The following DCHS1 variants were observed in gnomAD, a reference collection of about 807,000 sequenced individuals.
The protein encoded by DCHS1 is dachsous cadherin-related 1, also known as protocadherin-16.
Under a neutral mutation model 213.9 loss-of-function variants are expected in DCHS1, and 78 were observed. That is an observed-to-expected ratio of 0.36 (90% CI 0.30 to 0.44). DCHS1 has a LOEUF of 0.44. DCHS1 is among the 20% of genes least tolerant of loss of function. The pLI is 1.00. For missense variants in DCHS1, 3,946 were observed against 4,395.9 expected, an observed-to-expected ratio of 0.90 and a Z score of 2.89; for synonymous variants, 1,828 against 1,873.7, an observed-to-expected ratio of 0.98 and a Z score of 0.63.
chr11:6,653,258 C>A (rs1176833519), intron 1 of DCHS1, among the ~76,000 whole-genome samples: 1 of 152,168 alleles, frequency 6.6e-6, no homozygotes, highest in Non-Finnish European at 1.5e-5. Flanking sequence ...ACATGCTGCT[C>A]CCTTGGCTTG....
chr11:6,626,794 G>A lies in DCHS1; in HGVS notation c.6245C>T (p.Pro2082Leu). Reference protein sequence around the residue: ...SSEATIRENAPPGTPIVSPRA... With the variant: ...SSEATIRENALPGTPIVSPRA... ...AGAAATGGCTGGGGACCCACCTGGG[G>A]GCGCATTCTCACGAATCGTAGCCTC... The change falls in exon 14 of 21, where the codon CCC becomes CTC. Residue 2082 changes from proline to leucine, a missense_variant. By Grantham distance (98) the Pro-to-Leu change is moderately conservative (BLOSUM62 -3). Around this residue, in one of 3 missense-constraint regions of DCHS1, gnomAD observed 3,384 missense variants for 3,780.1 expected, o/e 0.90. Coordinates refer to ENST00000299441, the MANE Select transcript of DCHS1 (RefSeq NM_003737.4). This position sits in a 1 kb window ranked among gnomAD's most constrained non-coding sequence, Gnocchi z 5.2. The A allele has an allele frequency of 6.2e-7, 1 of 1,611,718 alleles. No homozygotes were observed. The highest frequency in any genetic ancestry group is 1.1e-5 in the South Asian group (1 of 91,082).
intron 5 of DCHS1, 151 bp downstream of exon 5, chr11:6,633,261 T>A (rs1317473877): frequency 9.8e-7 from 1 of 1,020,466 alleles, no homozygotes. Flanking sequence ...GTGCCTGCAC[T>A]GTGCCTAAGG....
rs201684495 is a variant in DCHS1 at position 6,641,556 on chromosome 11, G to A, written c.58C>T (p.His20Tyr). 2.7e-4 allele frequency: 425 copies of A among 1,551,184 alleles called. 1 individual carries two copies. The African/African-American group carries it at 5.1e-3, about 19-fold the overall frequency. Residue 20 changes from histidine to tyrosine, a missense_variant, in exon 2 of 21, where the codon CAC becomes TAC. His to Tyr is a moderately conservative substitution (Grantham distance 83). Around this residue, in one of 3 missense-constraint regions of DCHS1, gnomAD observed 3,384 missense variants for 3,780.1 expected, o/e 0.90. Transcript: ENST00000299441. This position sits in a 1 kb window ranked among gnomAD's most constrained non-coding sequence, Gnocchi z 7.1. ...AGCAGCAGCAATGGTAGCAGGAGGT[G>A]GGGCCTGGGGCTCTTCATGCCAGGG... Reference protein sequence around the residue: ...SCPGMKSPRPHLLLPLLLLLL... With the variant: ...SCPGMKSPRPYLLLPLLLLLL...
Position 6,625,736 on chromosome 11 carries a change from A to C in DCHS1, c.6732-9T>G. On this transcript the variant is annotated splice_polypyrimidine_tract_variant and intron_variant, in intron 17 of 20. Coordinates refer to ENST00000299441, the MANE Select transcript of DCHS1 (RefSeq NM_003737.4). The surrounding 1 kb of genome is among the most constrained non-coding windows in gnomAD (Gnocchi z 5.3). Reference sequence around the variant, plus strand: ...TGGCCATCAGCACCAACCTGGACACAAAGCACAATCATCGGGTGGGACATG... The same window carrying C: ...TGGCCATCAGCACCAACCTGGACACCAAGCACAATCATCGGGTGGGACATG... The C allele has an allele frequency of 6.2e-7, 1 of 1,600,890 alleles. No individual in the cohort carries two copies. Among genetic ancestry groups the C allele is most frequent in the Non-Finnish European group, 8.5e-7 (1 of 1,173,418 alleles).
rs1470420731 is a variant in DCHS1, at chr11:6,626,087, G to A, written c.6577-13C>T. On this transcript the variant is annotated splice_polypyrimidine_tract_variant and intron_variant, in intron 16 of 20. Transcript: ENST00000299441. The surrounding 1 kb of genome is among the most constrained non-coding windows in gnomAD (Gnocchi z 5.2). ...CATCCGCCTCCACCTGGTGAGGGTAGGAGGCTGCTGGGACTGGTCTGGCCA... is the reference window on the plus strand; with the variant it reads ...CATCCGCCTCCACCTGGTGAGGGTAAGAGGCTGCTGGGACTGGTCTGGCCA... The A allele has an allele frequency of 6.2e-7, 1 of 1,605,064 alleles. No homozygotes were observed. The highest frequency in any genetic ancestry group is 8.5e-7 in the Non-Finnish European group (1 of 1,175,848).
chr11:6,627,464 C>T lies in DCHS1; in HGVS notation c.5575G>A (p.Ala1859Thr), dbSNP rs1386897364. The T allele has an allele frequency of 6.2e-7, 1 of 1,611,294 alleles. No homozygotes were observed. Among genetic ancestry groups the T allele is most frequent in the East Asian group, 2.2e-5 (1 of 44,768 alleles). The part of the protein sequence containing the change: ...NDHAPAFPVP[A>T]YSVEVPEDVP... ...TCCTCCGGCACCTCCACCGAGTAGG[C>T]AGGCACAGGAAAGGCTGGAGCATGG... Residue 1859 changes from alanine to threonine, a missense_variant, in exon 14 of 21, where the codon GCC becomes ACC. Ala to Thr is a moderately conservative substitution (Grantham distance 58). This residue lies in a region of DCHS1 where 3,384 missense variants were observed against 3,780.1 expected (regional missense o/e 0.90). Transcript: ENST00000299441. This position sits in a 1 kb window ranked among gnomAD's most constrained non-coding sequence, Gnocchi z 5.4.
At position 6,631,151 on chromosome 11, in the gene DCHS1, G is replaced by T. The variant is rs751702644; in HGVS notation, c.3832C>A (p.Pro1278Thr). The T allele has an allele frequency of 1.2e-6, 2 of 1,612,228 alleles. No homozygotes were observed. Among genetic ancestry groups the T allele is most frequent in the Non-Finnish European group, 1.7e-6 (2 of 1,178,840 alleles). The change falls in exon 9 of 21, where the codon CCC (proline) becomes ACC (threonine). Residue 1278 changes from proline (P) to threonine (T), a missense_variant. Transcript: ENST00000299441. The stretch of plus-strand genomic sequence containing the variant: ...TGGGGCCGCTCTGCTCGGATCAGGG[G>T]AGCTGCAGTGAGCAGCTCCCCTGAG... ...PHSGELLTAAPLIRAERPHYV... is the reference protein window; with the variant it reads ...PHSGELLTAATLIRAERPHYV...
At position 6,628,502 on chromosome 11, in the gene DCHS1, G is replaced by GGAC; in HGVS notation, c.5371+116_5371+118dup. 1 of 1,095,132 alleles carries GGAC rather than the reference G, an allele frequency of 9.1e-7. No homozygotes were observed. Among genetic ancestry groups the GGAC allele is most frequent in the East Asian group, 2.5e-5 (1 of 40,068 alleles). The allele number at this position is 1,095,132 out of a possible 1,614,324, so 67.8% of individuals were successfully genotyped here. A position where few individuals can be genotyped will look rare whatever the true frequency, so the allele number is the denominator to read the frequency against. ...TGGGTATAAGCATGAAAGAAAAGGT[G>GGAC]GACGACATCAAGAGGGAAAAGGAGA... is the stretch of plus-strand genomic sequence containing the variant. On this transcript the variant is annotated intron_variant, in intron 13 of 20. Transcript: ENST00000299441. This position sits in a 1 kb window ranked among gnomAD's most constrained non-coding sequence, Gnocchi z 4.3.
Position 6,631,393 on chromosome 11 carries a change from C to T in DCHS1, c.3690G>A (p.Val1230=). Residue 1230 remains valine, a synonymous_variant, in exon 8 of 21, where the codon GTG becomes GTA. Transcript: ENST00000299441. ...GAGTCGTCACCAGTGTTCCCGGAGG[C>T]ACGCGGTCTGGTACCTGTGGGAACA... ...GGLPIQVPDR[V]PPGTLVTTLQ... 3 of 1,613,990 alleles carry T rather than the reference C, an allele frequency of 1.9e-6. No individual in the cohort carries two copies. The highest frequency in any genetic ancestry group is 2.5e-6 in the Non-Finnish European group (3 of 1,179,880).
chr11:6,633,916 C>T lies in DCHS1; in HGVS notation c.2091G>A (p.Gln697=). ...TCAGCACAGCTGTGCCTGGTGGACT[C>T]TGGGCACTTATACTGGCAGCATACT... ...PREYAASISA[Q]SPPGTAVLRL... The change falls in exon 4 of 21, where the codon CAG becomes CAA. Residue 697 remains glutamine (Q), a synonymous_variant. Transcript: ENST00000299441. 6.2e-7 allele frequency: 1 copy of T among 1,614,014 alleles called. No homozygotes were observed. Among genetic ancestry groups the T allele is most frequent in the South Asian group, 1.1e-5 (1 of 91,080 alleles).
Position 6,629,522 on chromosome 11 carries a change from A to T in DCHS1, c.5091T>A (p.Asp1697Glu). Residue 1697 changes from aspartate to glutamate, a missense_variant, in exon 12 of 21, where the codon GAT becomes GAA. Around this residue, in one of 3 missense-constraint regions of DCHS1, gnomAD observed 3,384 missense variants for 3,780.1 expected, o/e 0.90. Transcript: ENST00000299441. ...GAGTCGTGAGAACACCAGTGTCAGGATCCAGAGAAAAGCTTTCGCTAGAGA... is the reference window on the plus strand; with the variant it reads ...GAGTCGTGAGAACACCAGTGTCAGGTTCCAGAGAAAAGCTTTCGCTAGAGA... ...GGVSSESFSL[D>E]PDTGVLTTLR... is the part of the protein sequence containing the mutation. The T allele has an allele frequency of 6.2e-7, 1 of 1,613,450 alleles. No homozygotes were observed. Among genetic ancestry groups the T allele is most frequent in the South Asian group, 1.1e-5 (1 of 90,920 alleles).
rs761959340 is a variant in DCHS1 at position 6,639,849 on chromosome 11, C to T, written c.1765G>A (p.Glu589Lys). ...QRTFYNASLP[E>K]GTQPGTCFLQ... is the part of the protein sequence containing the mutation. ...AAGCAAGTTCCAGGCTGGGTGCCCT[C>T]AGGCAGTGAGGCATTGTAGAAAGTC... The change falls in exon 2 of 21, where the codon GAG (glutamate) becomes AAG (lysine). Residue 589 changes from glutamate to lysine, a missense_variant. Glu to Lys is a moderately conservative substitution (Grantham distance 56). Around this residue, in one of 3 missense-constraint regions of DCHS1, gnomAD observed 3,384 missense variants for 3,780.1 expected, o/e 0.90. Coordinates refer to ENST00000299441, the MANE Select transcript of DCHS1 (RefSeq NM_003737.4). 179 of 1,607,682 alleles carry T rather than the reference C, an allele frequency of 1.1e-4. No homozygotes were observed. Among genetic ancestry groups the T allele is most frequent in the Non-Finnish European group, 1.5e-4 (173 of 1,175,644 alleles).
At chr11:6,636,716 C>T (rs1461152987) in intron 2 of DCHS1, among the ~76,000 whole-genome samples, 1 of 152,186 alleles carries the variant, frequency 6.6e-6, no homozygotes, top group African/African-American at 2.4e-5. Context: ...TGCCAGTCTT[C>T]CTCCATCTCC....
chr11:6,642,231 C>T (rs1389346777), intron 1 of DCHS1, among the ~76,000 whole-genome samples: 1 of 152,160 alleles, frequency 6.6e-6, no homozygotes, highest in Non-Finnish European at 1.5e-5. Flanking sequence ...TTCCTTAGCT[C>T]TACTTCCCTA....
chr11:6,651,413 G>A (rs541181824), intron 1 of DCHS1, among the ~76,000 whole-genome samples: 1 of 152,312 alleles, frequency 6.6e-6, no homozygotes, highest in East Asian at 1.9e-4. Flanking sequence ...AATGGGGCAG[G>A]TGATGAGACT....
chr11:6,655,569 G>A lies in DCHS1; in HGVS notation c.-127C>T, dbSNP rs2134668350. ...GGCGGGCGCGGGCACTGACCTCCGC[G>A]CGACGCGGGCTCCCTCGCCCGGTGC... On this transcript the variant is annotated 5_prime_UTR_variant, in exon 1 of 21. Transcript: ENST00000299441. 1.0e-6 allele frequency: 1 copy of A among 980,684 alleles called. No individual in the cohort carries two copies. The highest frequency in any genetic ancestry group is 1.2e-6 in the Non-Finnish European group (1 of 828,142). The allele number at this position is 980,684 out of a possible 1,614,324, so 60.7% of individuals were successfully genotyped here.
chr11:6,625,852 G>A lies in DCHS1; in HGVS notation c.6731+68C>T, dbSNP rs1855789276. 3.8e-6 allele frequency: 6 copies of A among 1,592,726 alleles called. No homozygotes were observed. The highest frequency in any genetic ancestry group is 5.1e-6 in the Non-Finnish European group (6 of 1,169,394). On this transcript the variant is annotated intron_variant, in intron 17 of 20. Coordinates refer to ENST00000299441, the MANE Select transcript of DCHS1 (RefSeq NM_003737.4). This position sits in a 1 kb window ranked among gnomAD's most constrained non-coding sequence, Gnocchi z 5.3. ...AGGATGTGGCCAAGGGACCAGATGA[G>A]TTCAAGGCAGGGCTTGAAACTGGAC...
In DCHS1 at chr11:6,640,365, G is replaced by T; in HGVS notation, c.1249C>A (p.Gln417Lys). The T allele has an allele frequency of 1.9e-6, 3 of 1,613,244 alleles. No homozygotes were observed. Among genetic ancestry groups the T allele is most frequent in the Non-Finnish European group, 2.5e-6 (3 of 1,179,574 alleles). ...CACACCAGATAGATGACGCTGTCTTGGGTGCTTAGGGCAAAGTGGCCCTCT... is the reference window on the plus strand; with the variant it reads ...CACACCAGATAGATGACGCTGTCTTTGGTGCTTAGGGCAAAGTGGCCCTCT... ...GGEGHFALST[Q>K]DSVIYLVCVA... Residue 417 changes from glutamine to lysine, a missense_variant, in exon 2 of 21, where the codon CAA becomes AAA. By Grantham distance (53) the Gln-to-Lys change is moderately conservative (BLOSUM62 1). Around this residue, in one of 3 missense-constraint regions of DCHS1, gnomAD observed 3,384 missense variants for 3,780.1 expected, o/e 0.90. Transcript: ENST00000299441. This position sits in a 1 kb window ranked among gnomAD's most constrained non-coding sequence, Gnocchi z 6.5.
In DCHS1 at chr11:6,626,858, C is replaced by A; in HGVS notation, c.6181G>T (p.Glu2061Ter). 1 of 1,613,454 alleles carries A rather than the reference C, an allele frequency of 6.2e-7. No homozygotes were observed. ...GGAAAGCGGGGTCCACGCTCAGCTT[C>A]CCCCTGCAGTCCAACAATGATCACA... ...TGVIIVGLQG[E>*]AERGPRFPRA... The change falls in exon 14 of 21, where the codon GAA becomes TAA. Residue 2061 changes from glutamate to a stop codon, truncating the protein, a stop_gained. Transcript: ENST00000299441. LOFTEE classifies it high-confidence loss of function. The surrounding 1 kb of genome is among the most constrained non-coding windows in gnomAD (Gnocchi z 5.2).
Sources: gnomAD v4.1 joint callset for allele counts (sites outside exome capture counted in the v4.1 genomes callset) on GRCh38, gnomAD v4.1.1 for gene constraint, gnomAD v4.1.1 regional missense constraint, Gnocchi (gnomAD v3.1) non-coding constraint, MANE v1.5 for transcripts, NCBI Gene and HGNC (gene_info 2026-07-23, HGNC 2026-07-21) for gene names.